The following CD40 variants were observed in gnomAD, a reference collection of about 807,000 sequenced individuals.
CD40 encodes the protein tumor necrosis factor receptor superfamily member 5.
Under a neutral mutation model 38.5 loss-of-function variants are expected in CD40, and 19 were observed. The ratio of observed to expected loss-of-function variants is 0.49; its 90% CI spans 0.34 to 0.72. CD40 has a LOEUF of 0.72. CD40 is among the 30% of genes least tolerant of loss of function. The pLI is 0.01. For missense variants in CD40, 256 were observed against 344.1 expected (o/e 0.74, Z 2.03); for synonymous variants, 130 against 128.7 (o/e 1.01, Z -0.07).
Position 46,129,373 on chromosome 20 carries a change from G to T in CD40, c.*333G>T, listed in dbSNP as rs957866181. On this transcript the variant is annotated 3_prime_UTR_variant, in exon 9 of 9. Coordinates refer to ENST00000372285, the MANE Select transcript of CD40 (RefSeq NM_001250.6). ...ATCCAGCAGTTTGGTGCCCAGAGAGGCATCATGGTGGCTTCCCTGCGCCCA... is the reference window on the plus strand; with the variant it reads ...ATCCAGCAGTTTGGTGCCCAGAGAGTCATCATGGTGGCTTCCCTGCGCCCA... The T allele has an allele frequency of 2.7e-6, 1 of 368,842 alleles. No individual in the cohort carries two copies. The highest frequency in any genetic ancestry group is 5.2e-6 in the Non-Finnish European group (1 of 190,738). 22.8% of individuals were successfully genotyped at this position (368,842 alleles called of 1,614,324 possible).
In CD40 at chr20:46,128,425, A is replaced by G. The variant is rs775748987; in HGVS notation, c.675+67A>G. 6.5e-6 allele frequency: 10 copies of G among 1,544,724 alleles called. 1 individual carries two copies. The highest frequency in any genetic ancestry group is 4.5e-5 in the East Asian group (2 of 44,318). ...TGGGAAGATGGCCTCACGGTTGCCT[A>G]TGGGGCAGTAAAACTGATTCAGAGT... On this transcript the variant is annotated intron_variant, in intron 8 of 8. Coordinates refer to ENST00000372285, the MANE Select transcript of CD40 (RefSeq NM_001250.6).
At position 46,123,113 on chromosome 20, in the gene CD40, C is replaced by T. The variant is rs1013244102; in HGVS notation, c.404-13C>T. The stretch of plus-strand genomic sequence containing the variant: ...CTGTGATGGTTAATGTCCCCCTCCC[C>T]ACCCACTCCCAGCTACAGGGGTTTC... On this transcript the variant is annotated splice_polypyrimidine_tract_variant and intron_variant, in intron 4 of 8. Coordinates refer to ENST00000372285, the MANE Select transcript of CD40 (RefSeq NM_001250.6). 1 of 1,604,084 alleles carries T rather than the reference C, an allele frequency of 6.2e-7. No individual in the cohort carries two copies. Among genetic ancestry groups the T allele is most frequent in the Non-Finnish European group, 8.5e-7 (1 of 1,170,812 alleles).
chr20:46,126,122 C>G (rs1313936466), intron 5 of CD40, among the ~76,000 whole-genome samples: 1 of 152,222 alleles, frequency 6.6e-6, no homozygotes, highest in East Asian at 1.9e-4. Flanking sequence ...TCATTCGTCA[C>G]AAACGGAGAG....
intron 6 of CD40, chr20:46,127,903 G>C: frequency 1.4e-6 from 1 of 722,712 alleles, no homozygotes; most frequent in South Asian, 1.9e-5. Context: ...GTCTAGGTTT[G>C]AATATGTGAT....
chr20:46,118,531 C>T (rs1394218120), intron 1 of CD40, 137 bp downstream of exon 1: 10 of 801,514 alleles, frequency 1.2e-5, no homozygotes, highest in South Asian at 4.3e-5. Context: ...GGGCAAGGTG[C>T]CCCCGCTCCT....
At position 46,129,302 on chromosome 20, in the gene CD40, G is replaced by A. The variant is rs936546325; in HGVS notation, c.*262G>A. On this transcript the variant is annotated 3_prime_UTR_variant, in exon 9 of 9. Transcript: ENST00000372285. The stretch of plus-strand genomic sequence containing the variant: ...TAAAGACAGAGGCAGAAGTTTGGTG[G>A]TGGTGGTGTTGGGGTATGGTTTAGT... 1.2e-5 allele frequency: 6 copies of A among 501,694 alleles called. No homozygotes were observed. The highest frequency in any genetic ancestry group is 9.7e-5 in the African/African-American group (5 of 51,736). The allele number at this position is 501,694 out of a possible 1,614,324, so 31.1% of individuals were successfully genotyped here.
At position 46,119,410 on chromosome 20, in the gene CD40, A is replaced by T. The variant is rs181553080; in HGVS notation, c.51+1016A>T. On this transcript the variant is annotated intron_variant, in intron 1 of 8. Transcript: ENST00000372285. ...AGGCTGCTTTGGTCCCACAGCTTTC[A>T]CTTTCACCTGAAGCAATGGCTCTTA... Among the ~76,000 whole-genome samples, 6 of 152,210 alleles carry T rather than the reference A, an allele frequency of 3.9e-5. No individual in the cohort carries two copies. The East Asian group carries it at 1.2e-3, about 30-fold the overall frequency.
At chr20:46,128,684 A>C in intron 8 of CD40, 198 bp from the exon 9 acceptor site, 1 of 669,290 alleles carries the variant, frequency 1.5e-6, no homozygotes, top group Non-Finnish European at 2.6e-6. Context: ...CCTTAAGCCC[A>C]CTGGCTCCCA....
chr20:46,128,945 A>C lies in CD40; in HGVS notation c.739A>C (p.Thr247Pro), dbSNP rs985984295. ...NFPDDLPGSN[T>P]AAPVQETLHG... ...TCCCGACGATCTTCCTGGCTCCAAC[A>C]CTGCTGCTCCAGTGCAGGAGACTTT... Residue 247 changes from threonine to proline, a missense_variant, in exon 9 of 9, where the codon ACT becomes CCT. Transcript: ENST00000372285. 2 of 1,614,188 alleles carry C rather than the reference A, an allele frequency of 1.2e-6. No homozygotes were observed. Among genetic ancestry groups the C allele is most frequent in the Non-Finnish European group, 1.7e-6 (2 of 1,180,038 alleles).
In CD40 at chr20:46,129,472, A is replaced by C. The variant is rs1021142575; in HGVS notation, c.*432A>C. ...ACAACTGGAAGCTGCTTAACTGTCC[A>C]TCAGCAGGAGACTGGCTAAATAAAA... On this transcript the variant is annotated 3_prime_UTR_variant, in exon 9 of 9. Transcript: ENST00000372285. 5.0e-6 allele frequency: 1 copy of C among 200,812 alleles called. No individual in the cohort carries two copies. The highest frequency in any genetic ancestry group is 1.0e-5 in the Non-Finnish European group (1 of 95,932). 12.4% of individuals were successfully genotyped at this position (200,812 alleles called of 1,614,324 possible). A position where few individuals can be genotyped will look rare whatever the true frequency, so the allele number is the denominator to read the frequency against.
In CD40 at chr20:46,129,214, A is replaced by G; in HGVS notation, c.*174A>G. 7.2e-6 allele frequency: 5 copies of G among 696,834 alleles called. No homozygotes were observed. In the South Asian group the frequency reaches 8.0e-5, roughly 11 times the overall value. The allele number at this position is 696,834 out of a possible 1,614,324, so 43.2% of individuals were successfully genotyped here. On this transcript the variant is annotated 3_prime_UTR_variant, in exon 9 of 9. Transcript: ENST00000372285. ...CAGGAGACCTGGCACTGGATGCAGA[A>G]ACAGTTCACCTTGAAGAACCTCTCA...
At chr20:46,120,289 C>T (rs1265807972) in intron 1 of CD40, among the ~76,000 whole-genome samples, 5 of 152,228 alleles carry the variant, frequency 3.3e-5, no homozygotes, top group Admixed American at 1.3e-4. Context: ...TTCTTATCTT[C>T]GTAATCCAAC....
chr20:46,119,874 CAGA>C (rs770253245), intron 1 of CD40, among the ~76,000 whole-genome samples: 3 of 152,278 alleles, frequency 2.0e-5, no homozygotes, highest in Non-Finnish European at 4.4e-5. Context: ...TGTTTTGTGG[CAGA>C]AGGACCAGAA....
chr20:46,119,537 G>C (rs1056883390), intron 1 of CD40, among the ~76,000 whole-genome samples: 2 of 152,168 alleles, frequency 1.3e-5, no homozygotes, highest in Non-Finnish European at 2.9e-5. Flanking sequence ...TGAAGGGTGT[G>C]ATCCAGGCTT....
chr20:46,124,959 G>A (rs1480489816), intron 5 of CD40, among the ~76,000 whole-genome samples: 2 of 151,466 alleles, frequency 1.3e-5, no homozygotes, highest in African/African-American at 4.8e-5. Context: ...AGTAGAGACG[G>A]CGTTTCACCG....
rs774936391 is a variant in CD40 at position 46,121,824 on chromosome 20, A to G, written c.56A>G (p.His19Arg). ...VLWGCLLTAV[H>R]PEPPTACREK... ...ATTGCACAATTCTGTTTTTAGGTCC[A>G]TCCAGAACCACCCACTGCATGCAGA... Residue 19 changes from histidine (H) to arginine (R), a missense_variant, in exon 2 of 9, where the codon CAT becomes CGT. Physicochemically the swap from His to Arg is conservative, Grantham distance 29. Coordinates refer to ENST00000372285, the MANE Select transcript of CD40 (RefSeq NM_001250.6). The G allele has an allele frequency of 6.2e-7, 1 of 1,613,372 alleles. No homozygotes were observed. Among genetic ancestry groups the G allele is most frequent in the South Asian group, 1.1e-5 (1 of 91,058 alleles).
intron 1 of CD40, among the ~76,000 whole-genome samples, chr20:46,118,948 A>G (rs1485354118): frequency 1.3e-5 from 2 of 152,190 alleles, no homozygotes; most frequent in Non-Finnish European, 2.9e-5. Flanking sequence ...GGGTGTTCCA[A>G]CCTAGGAGGA....
chr20:46,124,683 G>A (rs1165815062), intron 5 of CD40, among the ~76,000 whole-genome samples: 1 of 147,568 alleles, frequency 6.8e-6, no homozygotes, highest in African/African-American at 2.5e-5. Flanking sequence ...AACAGTACCT[G>A]ACGCATGGTA....
chr20:46,118,341 G>C lies in CD40; in HGVS notation c.-3G>C. 1 of 1,613,806 alleles carries C rather than the reference G, an allele frequency of 6.2e-7. No individual in the cohort carries two copies. The stretch of plus-strand genomic sequence containing the variant: ...TGGTCCTGCCGCCTGGTCTCACCTC[G>C]CTATGGTTCGTCTGCCTCTGCAGTG... On this transcript the variant is annotated 5_prime_UTR_variant, in exon 1 of 9. Coordinates refer to ENST00000372285, the MANE Select transcript of CD40 (RefSeq NM_001250.6).
Sources: gnomAD v4.1 joint callset for allele counts (sites outside exome capture counted in the v4.1 genomes callset) on GRCh38, gnomAD v4.1.1 for gene constraint, MANE v1.5 for transcripts, NCBI Gene and HGNC (gene_info 2026-07-23, HGNC 2026-07-21) for gene names.